TCF4: variants seen among roughly 807,000 people sequenced by gnomAD.
TCF4 encodes SL3-3 enhancer factor 2.
TCF4 carries 3 observed loss-of-function variants against 82.1 expected under a neutral mutation model. The ratio of observed to expected loss-of-function variants is 0.04; its 90% confidence interval spans 0.02 to 0.09. The LOEUF is 0.09. Ranked by LOEUF, TCF4 falls within the 10% of genes least tolerant of loss-of-function variation. The pLI is 1.00. For missense variants in TCF4, 518 were observed against 852.7 expected, an observed-to-expected ratio of 0.61 and a Z score of 4.89; for synonymous variants, 276 against 309.6, an observed-to-expected ratio of 0.89 and a Z score of 1.14.
intron 8 of TCF4, among the ~76,000 whole-genome samples, chr18:55,306,927 T>G (rs956125703): frequency 1.2e-4 from 18 of 152,054 alleles, no homozygotes; most frequent in African/African-American, 4.1e-4. Context: ...GAAGACTGGG[T>G]GGGGGCAGGG....
At chr18:55,484,401 G>C (rs1472309894) in intron 3 of TCF4, among the ~76,000 whole-genome samples, 1 of 152,192 alleles carries the variant, frequency 6.6e-6, no homozygotes, top group African/African-American at 2.4e-5. Context: ...ATGCATTTGA[G>C]AGATGACAAT....
chr18:55,481,190 C>T (rs1189486959), intron 3 of TCF4, among the ~76,000 whole-genome samples: 4 of 151,860 alleles, frequency 2.6e-5, no homozygotes, highest in Admixed American at 1.3e-4. Flanking sequence ...GTGAGCTCTC[C>T]GGCATTATAT....
intron 3 of TCF4, among the ~76,000 whole-genome samples, chr18:55,524,865 T>G (rs2096965056): frequency 6.6e-6 from 1 of 152,124 alleles, no homozygotes; most frequent in Non-Finnish European, 1.5e-5. Flanking sequence ...CAATGGTCAA[T>G]TATCTAATTA....
chr18:55,341,910 A>G (rs1211839259), intron 8 of TCF4, among the ~76,000 whole-genome samples: 2 of 152,226 alleles, frequency 1.3e-5, no homozygotes, highest in Non-Finnish European at 2.9e-5. Context: ...TTGTGACGCA[A>G]GTGACACAAG....
At chr18:55,276,041 T>C (rs1475890075) in intron 9 of TCF4, among the ~76,000 whole-genome samples, 1 of 152,202 alleles carries the variant, frequency 6.6e-6, no homozygotes, top group East Asian at 1.9e-4. Context: ...TAATTACTGC[T>C]AAAGGAAACA....
At chr18:55,631,067 T>G (rs905578114) in intron 2 of TCF4, among the ~76,000 whole-genome samples, 16 of 151,492 alleles carry the variant, frequency 1.1e-4, no homozygotes, top group Non-Finnish European at 1.8e-4. Flanking sequence ...TTTTTTTTTT[T>G]GAAATAGAAT....
chr18:55,312,269 A>G (rs576063260), intron 8 of TCF4, among the ~76,000 whole-genome samples: 1 of 152,358 alleles, frequency 6.6e-6, no homozygotes, highest in East Asian at 1.9e-4. Context: ...AAACATTTAA[A>G]CAGACCAACT....
At chr18:55,616,940 T>C (rs957493459) in intron 2 of TCF4, among the ~76,000 whole-genome samples, 5 of 152,166 alleles carry the variant, frequency 3.3e-5, no homozygotes, top group African/African-American at 1.2e-4. Context: ...TTTAGTTTTA[T>C]GTAGTTCTAC....
chr18:55,532,934 G>T (rs777078679), intron 3 of TCF4, among the ~76,000 whole-genome samples: 2 of 151,938 alleles, frequency 1.3e-5, no homozygotes, highest in Non-Finnish European at 2.9e-5. Flanking sequence ...TCTTAATAGG[G>T]ATGTACATAA....
At chr18:55,589,340 A>G (rs2097678903), upstream of TCF4, 3 of 1,053,230 alleles carry the variant, frequency 2.8e-6, no homozygotes, top group East Asian at 5.4e-5. Flanking sequence ...AAGGAAAGAG[A>G]CTTTAAAAAG....
At chr18:55,517,063 C>A (rs994712127) in intron 3 of TCF4, among the ~76,000 whole-genome samples, 7 of 152,148 alleles carry the variant, frequency 4.6e-5, no homozygotes, top group Non-Finnish European at 1.0e-4. Flanking sequence ...TGGTTGAATT[C>A]TTAAAAGTCA....
intron 3 of TCF4, among the ~76,000 whole-genome samples, chr18:55,497,154 C>G (rs1161935652): frequency 3.9e-5 from 6 of 152,094 alleles, no homozygotes; most frequent in African/African-American, 1.4e-4. Flanking sequence ...TTTTTAAACA[C>G]ATATAGGTTA....
At chr18:55,358,524 T>C (rs554704386) in intron 6 of TCF4, among the ~76,000 whole-genome samples, 2 of 152,222 alleles carry the variant, frequency 1.3e-5, no homozygotes, top group African/African-American at 4.8e-5. Flanking sequence ...AACCCCAATG[T>C]ACAGATGGGG....
chr18:55,449,063 T>A (rs1017976093), intron 5 of TCF4, among the ~76,000 whole-genome samples: 18 of 152,170 alleles, frequency 1.2e-4, no homozygotes, highest in African/African-American at 4.1e-4. Flanking sequence ...ACAAAAAAAT[T>A]CAGAGAGCTC....
chr18:55,622,837 T>C (rs1357289640), intron 2 of TCF4, among the ~76,000 whole-genome samples: 1 of 151,900 alleles, frequency 6.6e-6, no homozygotes, highest in East Asian at 1.9e-4. Flanking sequence ...TACATGCATT[T>C]GCACGAGAGT....
At chr18:55,323,780 TG>T (rs2076106563) in intron 8 of TCF4, among the ~76,000 whole-genome samples, 1 of 152,310 alleles carries the variant, frequency 6.6e-6, no homozygotes, top group African/African-American at 2.4e-5. Flanking sequence ...AGAGATAAGT[TG>T]GGGAGTTTCC....
intron 8 of TCF4, among the ~76,000 whole-genome samples, chr18:55,326,401 CAAAAAAAAAAAAAAAAAAA>C (rs59228811): frequency 7.6e-5 from 2 of 26,378 alleles, no homozygotes; most frequent in Admixed American, 5.9e-4. Flanking sequence ...AGAGCAGCAG[CAAAAAAAAAAAAAAAAAAA>C]AAAAAAAAAA....
chr18:55,363,125 T>C (rs1229631198), intron 6 of TCF4, among the ~76,000 whole-genome samples: 5 of 152,238 alleles, frequency 3.3e-5, no homozygotes, highest in Admixed American at 2.0e-4. Flanking sequence ...TATTAATGCA[T>C]GATAATAGTT....
At chr18:55,306,230 T>C (rs1243724829) in intron 8 of TCF4, among the ~76,000 whole-genome samples, 1 of 152,186 alleles carries the variant, frequency 6.6e-6, no homozygotes, top group Non-Finnish European at 1.5e-5. Flanking sequence ...CTTTTAAAAA[T>C]GTAATTTTTT....
Sources: gnomAD v4.1 joint callset for allele counts (sites outside exome capture counted in the v4.1 genomes callset) on GRCh38, gnomAD v4.1.1 for gene constraint, MANE v1.5 for transcripts, NCBI Gene and HGNC (gene_info 2026-07-23, HGNC 2026-07-21) for gene names.